The following DYNC2H1 variants were observed in gnomAD, a reference collection of about 807,000 sequenced individuals.
DYNC2H1 encodes dynein cytoplasmic 2 heavy chain 1, also known as cytoplasmic dynein 2 heavy chain 1.
A neutral mutation model predicts 570.0 loss-of-function variants in DYNC2H1; 410 were observed. The ratio of observed to expected loss-of-function variants is 0.72; its 90% CI spans 0.66 to 0.78. The LOEUF (loss-of-function observed/expected upper bound fraction) is 0.78, where lower values mean the gene tolerates loss of function less well. DYNC2H1 is among the 30% of genes least tolerant of loss of function. The pLI is 0.00. For synonymous variants in DYNC2H1, 1,688 were observed against 1,677.6 expected (o/e 1.01, Z -0.15); for missense variants, 4,865 against 5,046.4 (o/e 0.96, Z 1.09).
intron 1 of DYNC2H1, among the ~76,000 whole-genome samples, chr11:103,111,699 T>C (rs1858123600): frequency 6.6e-6 from 1 of 152,212 alleles, no homozygotes; most frequent in Non-Finnish European, 1.5e-5. Flanking sequence ...ACTTTTTTTT[T>C]TTAAGTTAAA....
At chr11:103,253,215 A>G in intron 65 of DYNC2H1, 70 bp from the exon 66 acceptor site, 6 of 1,445,198 alleles carry the variant, frequency 4.2e-6, no homozygotes, top group Non-Finnish European at 3.7e-6. Flanking sequence ...CTTAAAAATT[A>G]TATTTTCAAA....
intron 53 of DYNC2H1, among the ~76,000 whole-genome samples, chr11:103,211,488 T>C (rs1863152529): frequency 6.6e-6 from 1 of 152,062 alleles, no homozygotes; most frequent in African/African-American, 2.4e-5. Flanking sequence ...TCCCAATTAA[T>C]TTATATGTTA....
At chr11:103,420,998 A>G (rs1943467827) in intron 84 of DYNC2H1, among the ~76,000 whole-genome samples, 1 of 152,216 alleles carries the variant, frequency 6.6e-6, no homozygotes, top group Non-Finnish European at 1.5e-5. Flanking sequence ...ACGTGCAAAG[A>G]CACACATAGG....
intron 70 of DYNC2H1, among the ~76,000 whole-genome samples, 176 bp downstream of exon 70, chr11:103,260,153 A>G (rs374243742): frequency 3.7e-4 from 56 of 150,442 alleles, no homozygotes; most frequent in African/African-American, 1.3e-3. Flanking sequence ...TGTAGTGGGG[A>G]AAAAAGTGAC....
At chr11:103,456,501 T>A (rs1459589403) in intron 87 of DYNC2H1, 145 bp downstream of exon 87, 1 of 548,924 alleles carries the variant, frequency 1.8e-6, no homozygotes, top group Non-Finnish European at 3.0e-6. Context: ...AAAATCAAAA[T>A]AAGATTTGGC....
Position 103,257,700 on chromosome 11 carries a change from T to C in DYNC2H1, c.10554T>C (p.Phe3518=), listed in dbSNP as rs1865117337. 6.2e-7 allele frequency: 1 copy of C among 1,610,882 alleles called. No homozygotes were observed. Among genetic ancestry groups the C allele is most frequent in the Non-Finnish European group, 8.5e-7 (1 of 1,178,412 alleles). Residue 3518 remains phenylalanine (F), a synonymous_variant, in exon 69 of 89, where the codon TTT becomes TTC. Transcript: ENST00000375735. The part of the protein sequence containing the change: ...DLSKINNMYR[F]SLAAFLRLFQ... ...CCAAAATTAATAACATGTACCGTTT[T>C]AGTTTGGCTGCTTTTCTCCGACTTT...
intron 84 of DYNC2H1, 111 bp downstream of exon 84, chr11:103,399,983 A>G: frequency 1.1e-6 from 1 of 884,900 alleles, no homozygotes; most frequent in South Asian, 1.8e-5. Context: ...CCCGAGTCAC[A>G]CTGGCTTAAG....
chr11:103,110,993 A>AT (rs1434713396), intron 1 of DYNC2H1, among the ~76,000 whole-genome samples: 7 of 152,146 alleles, frequency 4.6e-5, no homozygotes, highest in African/African-American at 1.7e-4. Context: ...CACCCAGCTA[A>AT]TTTTTTGCAA....
At chr11:103,364,604 T>G (rs1227706025) in intron 83 of DYNC2H1, among the ~76,000 whole-genome samples, 1 of 151,218 alleles carries the variant, frequency 6.6e-6, no homozygotes, top group South Asian at 2.1e-4. Flanking sequence ...TTGTTGTTTT[T>G]TTTTTTTTTT....
intron 18 of DYNC2H1, among the ~76,000 whole-genome samples, chr11:103,147,074 G>A (rs545079712): frequency 6.6e-6 from 1 of 152,142 alleles, no homozygotes; most frequent in South Asian, 2.1e-4. Context: ...AAATGCTTGT[G>A]TATAAATCTT....
chr11:103,392,627 C>T (rs930394249), intron 83 of DYNC2H1, among the ~76,000 whole-genome samples: 1 of 152,174 alleles, frequency 6.6e-6, no homozygotes, highest in Non-Finnish European at 1.5e-5. Context: ...ATCTTGGCTC[C>T]ACCCCTATCT....
At chr11:103,401,590 GTTCTA>G (rs1464362413) in intron 84 of DYNC2H1, among the ~76,000 whole-genome samples, 1 of 152,124 alleles carries the variant, frequency 6.6e-6, no homozygotes, top group Non-Finnish European at 1.5e-5. Flanking sequence ...GCCTGTTTGA[GTTCTA>G]TTCTACCACA....
chr11:103,400,151 G>C (rs927483287), intron 84 of DYNC2H1, among the ~76,000 whole-genome samples: 3 of 152,100 alleles, frequency 2.0e-5, no homozygotes, highest in Non-Finnish European at 4.4e-5. Flanking sequence ...TTCACTTTGG[G>C]GCAGGTCCCC....
At chr11:103,431,797 G>T (rs533957) in intron 84 of DYNC2H1, among the ~76,000 whole-genome samples, 84,225 of 151,958 alleles carry the variant, frequency 0.55, 23,957 homozygotes, top group East Asian at 0.72. Context: ...AGTCAGCTGG[G>T]GAGAGGTCAG....
chr11:103,403,055 A>AT, intron 84 of DYNC2H1: 1 of 152,256 alleles, frequency 6.6e-6, no homozygotes, highest in East Asian at 1.9e-4. Flanking sequence ...GGATATCAGT[A>AT]TTAGGGATCA....
At chr11:103,392,643 G>C (rs1942211231) in intron 83 of DYNC2H1, among the ~76,000 whole-genome samples, 1 of 152,062 alleles carries the variant, frequency 6.6e-6, no homozygotes. Flanking sequence ...TATCTTATTG[G>C]CTTTCTAAGA....
chr11:103,355,299 G>C (rs1199665230), intron 82 of DYNC2H1, among the ~76,000 whole-genome samples: 1 of 151,920 alleles, frequency 6.6e-6, no homozygotes, highest in African/African-American at 2.4e-5. Flanking sequence ...GAGAATGAGT[G>C]TTTATATTCC....
chr11:103,213,987 T>C (rs1863268015), intron 54 of DYNC2H1, among the ~76,000 whole-genome samples: 1 of 152,280 alleles, frequency 6.6e-6, no homozygotes, highest in South Asian at 2.1e-4. Context: ...CTTTAATTCA[T>C]TTTGAGTTGA....
At chr11:103,356,890 A>G (rs937559370) in intron 82 of DYNC2H1, among the ~76,000 whole-genome samples, 1 of 152,154 alleles carries the variant, frequency 6.6e-6, no homozygotes, top group Non-Finnish European at 1.5e-5. Context: ...ATATAGTTCA[A>G]TATGTTACAA....
Sources: allele counts gnomAD v4.1 joint callset (sites outside exome capture counted in the v4.1 genomes callset), GRCh38; gene constraint gnomAD v4.1.1; transcripts MANE v1.5; gene names NCBI Gene and HGNC (gene_info 2026-07-23, HGNC 2026-07-21).